CAPS2: variants seen among roughly 807,000 people sequenced by gnomAD.
CAPS2 encodes calcyphosin-2.
In CAPS2, 98 loss-of-function variants were observed where a neutral mutation model predicts 86.5. The ratio of observed to expected loss-of-function variants is 1.13; its 90% CI spans 0.96 to 1.34. The LOEUF is 1.34. Ranked by LOEUF, CAPS2 falls within the 40% of genes most tolerant of loss-of-function variation. The pLI, the probability that CAPS2 is intolerant of heterozygous loss-of-function variation, is 0.00. For synonymous variants in CAPS2, 210 were observed against 225.1 expected (o/e 0.93, Z 0.60); for missense variants, 729 against 686.8 (o/e 1.06, Z -0.69).
At chr12:75,284,892 A>G in intron 15 of CAPS2, 69 bp downstream of exon 15, 1 of 1,370,328 alleles carries the variant, frequency 7.3e-7, no homozygotes. Context: ...TAATTCATTA[A>G]AGTTTTAAAA....
At chr12:75,341,436 ATTCTTTTTTTCTTT>A (rs907956503) in intron 1 of CAPS2, among the ~76,000 whole-genome samples, 287 of 152,098 alleles carry the variant, frequency 1.9e-3, no homozygotes, top group African/African-American at 6.6e-3. Context: ...TTTATATAAC[ATTCTTTTTTTCTTT>A]TTCTTTTTTT....
intron 1 of CAPS2, among the ~76,000 whole-genome samples, chr12:75,345,922 A>G (rs2042412875): frequency 6.6e-6 from 1 of 152,216 alleles, no homozygotes; most frequent in African/African-American, 2.4e-5. Context: ...TAGTTTACAC[A>G]CAAGGTTAAG....
chr12:75,378,578 G>A (rs1337427840), intron 1 of CAPS2, among the ~76,000 whole-genome samples: 1 of 152,152 alleles, frequency 6.6e-6, no homozygotes, highest in Non-Finnish European at 1.5e-5. Context: ...TAGTCCAAAT[G>A]TTGAAAACTC....
chr12:75,371,685 C>G (rs928616925), intron 1 of CAPS2, among the ~76,000 whole-genome samples: 1 of 152,094 alleles, frequency 6.6e-6, no homozygotes, highest in Non-Finnish European at 1.5e-5. Flanking sequence ...GTTAAGAACA[C>G]TTAAATGTCT....
At chr12:75,294,302 G>A (rs1270116088) in intron 11 of CAPS2, among the ~76,000 whole-genome samples, 1 of 152,164 alleles carries the variant, frequency 6.6e-6, no homozygotes, top group East Asian at 1.9e-4. Flanking sequence ...AAGGAAGGAT[G>A]TCCCTCCCCT....
chr12:75,276,466 T>C (rs934977759), downstream of CAPS2: 1 of 979,586 alleles, frequency 1.0e-6, no homozygotes, highest in African/African-American at 1.8e-5. Flanking sequence ...TTAATTACTC[T>C]AAGTGACTGC....
chr12:75,316,500 T>C (rs898833187), intron 5 of CAPS2, 66 bp from the exon 6 acceptor site: 48 of 1,370,428 alleles, frequency 3.5e-5, no homozygotes, highest in South Asian at 4.8e-5. Flanking sequence ...TAACAAAATA[T>C]GGGAATAGAT....
At chr12:75,364,572 T>A (rs914371781) in intron 1 of CAPS2, among the ~76,000 whole-genome samples, 2 of 152,316 alleles carry the variant, frequency 1.3e-5, no homozygotes, top group African/African-American at 4.8e-5. Context: ...AACTGTTAAA[T>A]TTTTTTAAGT....
At chr12:75,379,477 C>A (rs934480405) in intron 1 of CAPS2, among the ~76,000 whole-genome samples, 2 of 152,262 alleles carry the variant, frequency 1.3e-5, no homozygotes, top group Middle Eastern at 3.4e-3. Context: ...GGAAGCCTGT[C>A]ATTGCTTGAG....
At chr12:75,306,183 C>T in intron 7 of CAPS2, 3 of 805,254 alleles carry the variant, frequency 3.7e-6, no homozygotes, top group South Asian at 1.6e-5. Context: ...AGTACCGGCC[C>T]GGCCCCTACG....
At chr12:75,296,387 G>A (rs2036882636) in intron 11 of CAPS2, among the ~76,000 whole-genome samples, 1 of 152,038 alleles carries the variant, frequency 6.6e-6, no homozygotes, top group East Asian at 1.9e-4. Flanking sequence ...CGCCTCCTGG[G>A]TTCACGCCAT....
chr12:75,302,990 G>A (rs1168045582), intron 8 of CAPS2, among the ~76,000 whole-genome samples: 1 of 152,140 alleles, frequency 6.6e-6, no homozygotes, highest in Non-Finnish European at 1.5e-5. Context: ...TGAACATATG[G>A]ATACTAAGTG....
chr12:75,354,649 C>G (rs772094544), intron 1 of CAPS2, among the ~76,000 whole-genome samples: 2 of 151,892 alleles, frequency 1.3e-5, no homozygotes, highest in African/African-American at 2.4e-5. Flanking sequence ...CATATGGAAC[C>G]AAAAAAGGGT....
chr12:75,385,213 T>G (rs574108136), intron 1 of CAPS2, among the ~76,000 whole-genome samples: 1 of 152,324 alleles, frequency 6.6e-6, no homozygotes, highest in South Asian at 2.1e-4. Flanking sequence ...TAAATTATTT[T>G]TCTTTATAAA....
upstream of CAPS2, among the ~76,000 whole-genome samples, chr12:75,329,388 G>A (rs1484895895): frequency 1.3e-5 from 2 of 152,176 alleles, no homozygotes; most frequent in African/African-American, 2.4e-5. Context: ...TTAAATGGCT[G>A]CATGTCATGA....
At chr12:75,301,563 T>C (rs1301381960) in intron 8 of CAPS2, among the ~76,000 whole-genome samples, 3 of 152,240 alleles carry the variant, frequency 2.0e-5, no homozygotes, top group Non-Finnish European at 4.4e-5. Flanking sequence ...ATTGGTTTAT[T>C]TAATACTTAT....
intron 1 of CAPS2, chr12:75,360,958 C>G (rs1226932423): frequency 6.6e-6 from 1 of 152,162 alleles, no homozygotes; most frequent in Non-Finnish European, 1.5e-5. Flanking sequence ...CTTTCTTCCC[C>G]TTAGCTCAGA....
At chr12:75,382,555 A>C (rs2045056231) in intron 1 of CAPS2, among the ~76,000 whole-genome samples, 1 of 151,932 alleles carries the variant, frequency 6.6e-6, no homozygotes, top group Non-Finnish European at 1.5e-5. Context: ...CATGAGAATC[A>C]CTTGAACCCA....
At chr12:75,326,437 C>A (rs2040791915) in exon 1 of CAPS2, 2 of 1,506,532 alleles carry the variant, frequency 1.3e-6, no homozygotes, top group Non-Finnish European at 1.8e-6. Context: ...CTTCTTTCTT[C>A]CAAAGAATGG....
Sources: gnomAD v4.1 joint callset for allele counts (sites outside exome capture counted in the v4.1 genomes callset) on GRCh38, gnomAD v4.1.1 for gene constraint, MANE v1.5 for transcripts, NCBI Gene and HGNC (gene_info 2026-07-23, HGNC 2026-07-21) for gene names.